Variants in PDSS2 observed in about 807,000 individuals in gnomAD.
The protein encoded by PDSS2 is decaprenyl diphosphate synthase subunit 2.
A neutral mutation model predicts 44.5 loss-of-function variants in PDSS2; 31 were observed. The ratio of observed to expected loss-of-function variants is 0.70; its 90% CI spans 0.52 to 0.94. PDSS2 has a LOEUF of 0.94. Ranked by LOEUF, PDSS2 falls within the 40% of genes least tolerant of loss-of-function variation. The pLI, the probability that PDSS2 is intolerant of heterozygous loss-of-function variation, is 0.00. For missense variants in PDSS2, 452 were observed against 482.2 expected, an observed-to-expected ratio of 0.94 and a Z score of 0.59; for synonymous variants, 157 against 180.3, an observed-to-expected ratio of 0.87 and a Z score of 1.03.
rs965789909 is a variant in PDSS2, at chr6:107,364,721, T to C, written c.297-30389A>G. On this transcript the variant is annotated intron_variant, in intron 1 of 7. Coordinates refer to ENST00000369037, the MANE Select transcript of PDSS2 (RefSeq NM_020381.4). Reference sequence around the variant, plus strand: ...TGCAGTGGGGGGGCTGAAGGGCTCCTCAAATGCCACCAAAGTGGGAGCCCA... The same window carrying C: ...TGCAGTGGGGGGGCTGAAGGGCTCCCCAAATGCCACCAAAGTGGGAGCCCA... Among the ~76,000 whole-genome samples, 6 of 152,240 alleles carry C rather than the reference T, an allele frequency of 3.9e-5. 1 individual carries two copies. The highest frequency in any genetic ancestry group is 1.2e-4 in the African/African-American group (5 of 41,554).
At chr6:107,234,441 G>C (rs1046756777) in intron 4 of PDSS2, among the ~76,000 whole-genome samples, 2 of 151,938 alleles carry the variant, frequency 1.3e-5, no homozygotes, top group Non-Finnish European at 2.9e-5. Flanking sequence ...CTGACCTTAG[G>C]TGATCCACCC....
At chr6:107,339,883 G>A (rs1432703865) in intron 1 of PDSS2, among the ~76,000 whole-genome samples, 1 of 151,930 alleles carries the variant, frequency 6.6e-6, no homozygotes, top group African/African-American at 2.4e-5. Flanking sequence ...AAGGTGCTGT[G>A]GTATTTTATT....
chr6:107,163,424 T>C (rs1287593600), intron 7 of PDSS2, among the ~76,000 whole-genome samples: 3 of 152,192 alleles, frequency 2.0e-5, no homozygotes, highest in Non-Finnish European at 2.9e-5. Flanking sequence ...TTATCAGTAA[T>C]ATAATCCTTC....
At chr6:107,430,968 A>G (rs1264262441) in intron 1 of PDSS2, among the ~76,000 whole-genome samples, 2 of 152,224 alleles carry the variant, frequency 1.3e-5, no homozygotes, top group African/African-American at 4.8e-5. Flanking sequence ...AGAAAGGATG[A>G]TTAGTTTTGC....
chr6:107,402,458 A>ATGTATATATG, intron 1 of PDSS2, among the ~76,000 whole-genome samples: 1 of 26,102 alleles, frequency 3.8e-5, no homozygotes, highest in Non-Finnish European at 1.2e-4. Flanking sequence ...ACACACATAT[A>ATGTATATATG]TATACGTATA....
chr6:107,371,043 C>T (rs1171351134), intron 1 of PDSS2, among the ~76,000 whole-genome samples: 7 of 151,948 alleles, frequency 4.6e-5, no homozygotes, highest in East Asian at 3.9e-4. Flanking sequence ...ATTAGCCGGG[C>T]TTGGTGGGCA....
At position 107,358,871 on chromosome 6, in the gene PDSS2, C is replaced by T. The variant is rs541386480; in HGVS notation, c.297-24539G>A. ...ATGTCTCTAGATATTGGCAAATGTC[C>T]CCAGGAGGGCAAAACTGCCTTTGGT... is the stretch of plus-strand genomic sequence containing the variant. On this transcript the variant is annotated intron_variant, in intron 1 of 7. Transcript: ENST00000369037. Among the ~76,000 whole-genome samples, 140 of 152,028 alleles carry T rather than the reference C, an allele frequency of 9.2e-4. 3 individuals are homozygous for T. The South Asian group carries it at 0.026, about 28-fold the overall frequency.
chr6:107,192,469 C>T, intron 7 of PDSS2: 1 of 422,760 alleles, frequency 2.4e-6, no homozygotes, highest in Non-Finnish European at 4.7e-6. Context: ...GAGACAGACT[C>T]CAAAAAAGCC....
intron 7 of PDSS2, among the ~76,000 whole-genome samples, chr6:107,155,624 G>A (rs1454010338): frequency 6.8e-6 from 1 of 148,068 alleles, no homozygotes. Flanking sequence ...TCTGTTGCCA[G>A]GCTGGAGTGC....
intron 1 of PDSS2, among the ~76,000 whole-genome samples, chr6:107,387,064 G>C (rs567114640): frequency 6.6e-6 from 1 of 152,180 alleles, no homozygotes; most frequent in Non-Finnish European, 1.5e-5. Flanking sequence ...TGAAGGGTTT[G>C]TCCATTTTTC....
intron 1 of PDSS2, among the ~76,000 whole-genome samples, chr6:107,404,732 CT>C (rs1373992999): frequency 6.6e-6 from 1 of 152,186 alleles, no homozygotes; most frequent in East Asian, 1.9e-4. Flanking sequence ...CTGGGTCCCT[CT>C]CATGACATGT....
Position 107,434,864 on chromosome 6 carries a change from CGT to C in PDSS2, c.296+24124_296+24125del, listed in dbSNP as rs201211146. On this transcript the variant is annotated intron_variant, in intron 1 of 7. Coordinates refer to ENST00000369037, the MANE Select transcript of PDSS2 (RefSeq NM_020381.4). ...GTATCAAAATACCTCCATATATATA[CGT>C]GTGTGTGTGTATATATATACATATA... is the stretch of plus-strand genomic sequence containing the variant. Among the ~76,000 whole-genome samples the C allele has an allele frequency of 7.1e-3, 1,086 of 151,950 alleles. 5 individuals are homozygous for C. The highest frequency in any genetic ancestry group is 0.011 in the Non-Finnish European group (715 of 67,964).
intron 1 of PDSS2, among the ~76,000 whole-genome samples, chr6:107,425,022 T>C (rs1041699465): frequency 1.3e-5 from 2 of 152,182 alleles, no homozygotes; most frequent in Non-Finnish European, 2.9e-5. Context: ...TCTGATGGTT[T>C]TAAAAACGGG....
At chr6:107,350,844 A>G (rs1778410545) in intron 1 of PDSS2, among the ~76,000 whole-genome samples, 2 of 152,112 alleles carry the variant, frequency 1.3e-5, no homozygotes, top group Admixed American at 1.3e-4. Flanking sequence ...GAAAGTTTCA[A>G]TATTTCAGAC....
chr6:107,257,263 G>A (rs1458192000), intron 3 of PDSS2, among the ~76,000 whole-genome samples: 3 of 152,000 alleles, frequency 2.0e-5, no homozygotes, highest in African/African-American at 7.3e-5. Flanking sequence ...CCTGGGCCAG[G>A]CACAGTGGCT....
At chr6:107,426,311 T>C (rs1011645813) in intron 1 of PDSS2, among the ~76,000 whole-genome samples, 40 of 152,118 alleles carry the variant, frequency 2.6e-4, no homozygotes, top group African/African-American at 9.7e-4. Flanking sequence ...TGTTGAGCCT[T>C]TGAGTGTATA....
In PDSS2 at chr6:107,334,185, A is replaced by G. The variant is rs761596138; in HGVS notation, c.431+13T>C. ...ATGTAGAGAGCAATGTCAAAAGACT[A>G]AATTCTTCTTACCATGAGTAGATCC... On this transcript the variant is annotated intron_variant, in intron 2 of 7. Transcript: ENST00000369037. 1.2e-6 allele frequency: 2 copies of G among 1,612,568 alleles called. No individual in the cohort carries two copies. Among genetic ancestry groups the G allele is most frequent in the East Asian group, 2.2e-5 (1 of 44,858 alleles).
At chr6:107,277,122 G>C (rs1245562243) in intron 2 of PDSS2, among the ~76,000 whole-genome samples, 1 of 152,118 alleles carries the variant, frequency 6.6e-6, no homozygotes, top group Non-Finnish European at 1.5e-5. Flanking sequence ...TTCCACATGT[G>C]CCCATTGAAA....
chr6:107,318,402 A>C (rs941775666), intron 2 of PDSS2, among the ~76,000 whole-genome samples: 1 of 152,164 alleles, frequency 6.6e-6, no homozygotes, highest in African/African-American at 2.4e-5. Flanking sequence ...GTCTCTGTTT[A>C]CTCAAAAAAG....
Sources: gnomAD v4.1 joint callset for allele counts (sites outside exome capture counted in the v4.1 genomes callset) on GRCh38, gnomAD v4.1.1 for gene constraint, MANE v1.5 for transcripts, NCBI Gene and HGNC (gene_info 2026-07-23, HGNC 2026-07-21) for gene names.